The following AGBL1 variants were observed in gnomAD, a reference collection of about 807,000 sequenced individuals.
AGBL1 encodes the protein cytosolic carboxypeptidase 4.
In AGBL1, 130 loss-of-function variants were observed where a neutral mutation model predicts 118.9. The ratio of observed to expected loss-of-function variants is 1.09; its 90% confidence interval spans 0.95 to 1.26. The LOEUF is 1.26. AGBL1 is among the 50% of genes most tolerant of loss of function. The pLI is 0.00. For synonymous variants in AGBL1, 555 were observed against 478.9 expected, an observed-to-expected ratio of 1.16 and a Z score of -2.08; for missense variants, 1,584 against 1,298.1, an observed-to-expected ratio of 1.22 and a Z score of -3.38.
intron 21 of AGBL1, among the ~76,000 whole-genome samples, chr15:86,585,599 C>T (rs189887481): frequency 3.3e-5 from 5 of 152,230 alleles, no homozygotes; most frequent in African/African-American, 1.2e-4. Context: ...CTCCTGTTCT[C>T]AGGCAATCCT....
chr15:86,467,308 C>T (rs555405178), intron 18 of AGBL1, among the ~76,000 whole-genome samples: 71 of 152,280 alleles, frequency 4.7e-4, no homozygotes, highest in Non-Finnish European at 7.9e-4. Flanking sequence ...TCAGCAATGG[C>T]GGACACTCCT....
At chr15:86,618,157 T>A (rs1201534647) in intron 21 of AGBL1, among the ~76,000 whole-genome samples, 2 of 152,168 alleles carry the variant, frequency 1.3e-5, no homozygotes, top group Non-Finnish European at 2.9e-5. Flanking sequence ...CTATGCAGGA[T>A]GCTACTAAGT....
intron 21 of AGBL1, among the ~76,000 whole-genome samples, chr15:86,580,680 C>A (rs895581363): frequency 7.2e-5 from 11 of 152,046 alleles, no homozygotes; most frequent in African/African-American, 2.7e-4. Flanking sequence ...GCATTCATCA[C>A]CCCAAACATT....
At chr15:86,969,718 G>C (rs2081088767) in intron 23 of AGBL1, among the ~76,000 whole-genome samples, 1 of 151,912 alleles carries the variant, frequency 6.6e-6, no homozygotes. Flanking sequence ...GGTTGAATTT[G>C]CATAGATTTC....
At chr15:86,280,282 G>A (rs983621470) in intron 16 of AGBL1, among the ~76,000 whole-genome samples, 4 of 152,124 alleles carry the variant, frequency 2.6e-5, no homozygotes, top group Non-Finnish European at 4.4e-5. Flanking sequence ...AGCTGGAGGT[G>A]GCTAGAAGGA....
At chr15:86,676,631 A>G (rs1212650640) in intron 22 of AGBL1, among the ~76,000 whole-genome samples, 1 of 152,174 alleles carries the variant, frequency 6.6e-6, no homozygotes, top group Non-Finnish European at 1.5e-5. Flanking sequence ...GTTTGTCAAC[A>G]CAAATCTATG....
At chr15:86,182,269 C>T (rs1027398988) in intron 5 of AGBL1, among the ~76,000 whole-genome samples, 10 of 151,860 alleles carry the variant, frequency 6.6e-5, no homozygotes, top group Non-Finnish European at 1.3e-4. Context: ...CTCTCTGCTC[C>T]TCTTCCTCCC....
At chr15:86,556,151 A>C in intron 21 of AGBL1, 1 of 1,327,608 alleles carries the variant, frequency 7.5e-7, no homozygotes, top group Non-Finnish European at 1.1e-6. Flanking sequence ...CTGGAAACTC[A>C]AAGTTCTCTG....
intron 17 of AGBL1, among the ~76,000 whole-genome samples, chr15:86,381,797 A>G (rs2081116591): frequency 6.6e-6 from 1 of 152,124 alleles, no homozygotes; most frequent in African/African-American, 2.4e-5. Context: ...AACAGAGCAT[A>G]TTGAACCAAA....
chr15:87,000,627 G>T (rs1290871789), intron 24 of AGBL1, among the ~76,000 whole-genome samples: 2 of 102,284 alleles, frequency 2.0e-5, no homozygotes, highest in African/African-American at 7.4e-5. Context: ...TTTGGTTACT[G>T]TAGCCTTGTA....
At chr15:86,125,894 T>G (rs1003182246) in intron 1 of AGBL1, among the ~76,000 whole-genome samples, 1 of 152,242 alleles carries the variant, frequency 6.6e-6, no homozygotes, top group Non-Finnish European at 1.5e-5. Context: ...TCCTTAGTTT[T>G]TGGAATTCAG....
At chr15:86,183,761 C>T (rs1395072801) in intron 5 of AGBL1, among the ~76,000 whole-genome samples, 1 of 152,100 alleles carries the variant, frequency 6.6e-6, no homozygotes, top group Non-Finnish European at 1.5e-5. Context: ...CCAAATGAAT[C>T]CCCCAAAAAT....
chr15:86,524,124 A>G (rs1403481595), intron 19 of AGBL1, among the ~76,000 whole-genome samples: 1 of 152,240 alleles, frequency 6.6e-6, no homozygotes, highest in African/African-American at 2.4e-5. Flanking sequence ...TCTTATTTAA[A>G]TCTCAAAAGA....
In AGBL1 at chr15:86,908,194, A is replaced by T. The variant is rs1248179770; in HGVS notation, c.*900A>T. 1 of 152,234 alleles carries T rather than the reference A, an allele frequency of 6.6e-6. No homozygotes were observed. Among genetic ancestry groups the T allele is most frequent in the Non-Finnish European group, 1.5e-5 (1 of 68,048 alleles). The allele number at this position is 152,234 out of a possible 1,614,324, so 9.4% of individuals were successfully genotyped here. Reference sequence around the variant, plus strand: ...ATTGTAGGATGAAATGAGATGATATATAAAAGTGTATAGCTTAGCATTTGG... The same window carrying T: ...ATTGTAGGATGAAATGAGATGATATTTAAAAGTGTATAGCTTAGCATTTGG... On this transcript the variant is annotated 3_prime_UTR_variant, in exon 23 of 23. Coordinates refer to ENST00000614907, the MANE Select transcript of AGBL1 (RefSeq NM_001386094.1).
intron 5 of AGBL1, among the ~76,000 whole-genome samples, chr15:86,169,105 A>G (rs2077380232): frequency 6.6e-6 from 1 of 152,216 alleles, no homozygotes; most frequent in Non-Finnish European, 1.5e-5. Flanking sequence ...GTGCAGGGAC[A>G]ATGAACTGAC....
At chr15:86,695,292 G>T (rs980644391) in intron 22 of AGBL1, among the ~76,000 whole-genome samples, 2 of 151,786 alleles carry the variant, frequency 1.3e-5, no homozygotes, top group Non-Finnish European at 1.5e-5. Context: ...GTCTGTTCAG[G>T]GTTTCTAATT....
Position 86,397,358 on chromosome 15 carries a change from T to G in AGBL1, c.2375-8T>G. ...GGGTTTAATTTTCTTATGTCCCTTT[T>G]TCTGCAGGACATCGTCCATATCAGG... On this transcript the variant is annotated splice_polypyrimidine_tract_variant and splice_region_variant and intron_variant, in intron 17 of 22. Transcript: ENST00000614907. The G allele has an allele frequency of 1.3e-6, 2 of 1,482,596 alleles. No individual in the cohort carries two copies. The highest frequency in any genetic ancestry group is 1.8e-6 in the Non-Finnish European group (2 of 1,103,626). 91.8% of individuals were successfully genotyped at this position (1,482,596 alleles called of 1,614,324 possible).
intron 5 of AGBL1, among the ~76,000 whole-genome samples, chr15:86,219,436 C>T (rs1054794205): frequency 3.9e-5 from 6 of 152,080 alleles, no homozygotes; most frequent in Non-Finnish European, 5.9e-5. Flanking sequence ...TCACACCATC[C>T]CATCAGTTAG....
At chr15:86,564,903 T>A (rs1030994974) in intron 21 of AGBL1, among the ~76,000 whole-genome samples, 19 of 152,226 alleles carry the variant, frequency 1.2e-4, no homozygotes, top group African/African-American at 4.6e-4. Context: ...ACTGATACCT[T>A]TTCTTCCAGT....
Sources: gnomAD v4.1 joint callset for allele counts (sites outside exome capture counted in the v4.1 genomes callset) on GRCh38, gnomAD v4.1.1 for gene constraint, MANE v1.5 for transcripts, NCBI Gene and HGNC (gene_info 2026-07-23, HGNC 2026-07-21) for gene names.